The following RFX2 variants were observed in gnomAD, a reference collection of about 807,000 sequenced individuals.
RFX2 encodes the protein DNA-binding protein RFX2.
Under a neutral mutation model 87.8 loss-of-function variants are expected in RFX2, and 20 were observed. The observed-to-expected ratio is 0.23, with a 90% confidence interval of 0.16 to 0.33. The LOEUF (loss-of-function observed/expected upper bound fraction) is 0.33, where lower values mean the gene tolerates loss of function less well. RFX2 is among the 10% of genes least tolerant of loss of function. RFX2 has a pLI of 1.00. For synonymous variants in RFX2, 397 were observed against 431.3 expected (o/e 0.92, Z 0.98); for missense variants, 767 against 1,012.3 (o/e 0.76, Z 3.29).
Position 6,021,878 on chromosome 19 carries a change from G to T in RFX2, c.597+4285C>A, listed in dbSNP as rs1194069797. On this transcript the variant is annotated intron_variant, in intron 6 of 17. Transcript: ENST00000303657. The surrounding 1 kb of genome is among the most constrained non-coding windows in gnomAD (Gnocchi z 5.7). ...GAGAAGGGGCTGGAGGCTGGGTAGG[G>T]GTGGGTGCTGACGGCTGGCTAGGAG... 6.6e-6 allele frequency among the ~76,000 whole-genome samples: 1 copy of T among 152,206 alleles called. No homozygotes were observed. Among genetic ancestry groups the T allele is most frequent in the Non-Finnish European group, 1.5e-5 (1 of 68,022 alleles).
intron 1 of RFX2, among the ~76,000 whole-genome samples, chr19:6,066,575 G>T (rs781221743): frequency 1.3e-5 from 2 of 152,140 alleles, no homozygotes; most frequent in Non-Finnish European, 2.9e-5. Flanking sequence ...GGACATATTC[G>T]AATGGCCAGA....
chr19:6,039,985 C>G lies in RFX2; in HGVS notation c.517G>C (p.Ala173Pro). 6.4e-7 allele frequency: 1 copy of G among 1,574,030 alleles called. No homozygotes were observed. The highest frequency in any genetic ancestry group is 8.7e-7 in the Non-Finnish European group (1 of 1,155,770). ...CCCAAGAGCCTCCTACATACCGTGGCGGGCGATGAGCGGGAGGTGTGGGCC... is the reference window on the plus strand; with the variant it reads ...CCCAAGAGCCTCCTACATACCGTGGGGGGCGATGAGCGGGAGGTGTGGGCC... Reference protein sequence around the residue: ...SLAHTSRSSPATLEMAIENLQ... With the variant: ...SLAHTSRSSPPTLEMAIENLQ... Residue 173 changes from alanine to proline, a missense_variant, in exon 5 of 18, where the codon GCC becomes CCC. By Grantham distance (27) the Ala-to-Pro change is conservative. Transcript: ENST00000303657. The surrounding 1 kb of genome is among the most constrained non-coding windows in gnomAD (Gnocchi z 5.2).
chr19:6,041,416 A>G (rs140135383), intron 4 of RFX2, among the ~76,000 whole-genome samples: 1 of 152,332 alleles, frequency 6.6e-6, no homozygotes, highest in East Asian at 1.9e-4. Flanking sequence ...CGGGAGATGC[A>G]TACTTTCCTA....
At chr19:6,038,808 A>G (rs2087060599) in intron 5 of RFX2, among the ~76,000 whole-genome samples, 2 of 152,222 alleles carry the variant, frequency 1.3e-5, no homozygotes. Flanking sequence ...CAAAACCAAG[A>G]GCACCAGCAG....
At chr19:6,077,849 A>G (rs1198209939) in intron 1 of RFX2, among the ~76,000 whole-genome samples, 2 of 152,138 alleles carry the variant, frequency 1.3e-5, no homozygotes, top group Middle Eastern at 3.4e-3. Context: ...GCGTGGTGGC[A>G]CATGCCTGTA....
chr19:6,000,852 C>T (rs975789725), intron 15 of RFX2, among the ~76,000 whole-genome samples: 1 of 152,270 alleles, frequency 6.6e-6, no homozygotes, highest in Non-Finnish European at 1.5e-5. Flanking sequence ...CTCATCCATG[C>T]GCTGGGTCAC....
Position 6,023,812 on chromosome 19 carries a change from C to T in RFX2, c.597+2351G>A, listed in dbSNP as rs987814686. On this transcript the variant is annotated intron_variant, in intron 6 of 17. Transcript: ENST00000303657. This position sits in a 1 kb window ranked among gnomAD's most constrained non-coding sequence, Gnocchi z 4.9. ...TTTTTTTTTTTGAGATGGAGTCTCG[C>T]TCTGTCTCCCAGGCTGGAGTGCAGT... is the stretch of plus-strand genomic sequence containing the variant. Among the ~76,000 whole-genome samples the T allele has an allele frequency of 2.6e-5, 4 of 151,772 alleles. No homozygotes were observed. The highest frequency in any genetic ancestry group is 2.6e-4 in the Admixed American group (4 of 15,256).
chr19:6,100,802 CA>C (rs2088112225), intron 1 of RFX2, among the ~76,000 whole-genome samples: 1 of 147,440 alleles, frequency 6.8e-6, no homozygotes, highest in Admixed American at 6.7e-5. Context: ...CAGTGTGAAC[CA>C]AGGCTGGCAA....
chr19:5,995,711 G>C (rs2086397835), intron 16 of RFX2, 68 bp from the exon 17 acceptor site: 2 of 1,401,970 alleles, frequency 1.4e-6, no homozygotes, highest in Non-Finnish European at 2.0e-6. Context: ...GGGCTCGGGG[G>C]ATGCCGGCCC....
At chr19:6,060,121 A>G (rs1430827820) in intron 1 of RFX2, among the ~76,000 whole-genome samples, 1 of 152,088 alleles carries the variant, frequency 6.6e-6, no homozygotes, top group African/African-American at 2.4e-5. Context: ...CCTGGCTCTC[A>G]GCCATGCCCC....
At position 6,026,218 on chromosome 19, in the gene RFX2, T is replaced by C. The variant is rs914760686; in HGVS notation, c.542A>G (p.Asn181Ser). The stretch of plus-strand genomic sequence containing the variant: ...TGTGATTCCTTCGCTTTTTTGGAGG[T>C]TTTCAATCGCCATTTCAAGCTAAAG... ...SPATLEMAIE[N>S]LQKSEGITSH... The change falls in exon 6 of 18, where the codon AAC (asparagine) becomes AGC (serine). Residue 181 changes from asparagine to serine, a missense_variant. By Grantham distance (46) the Asn-to-Ser change is conservative. This residue lies in a region of RFX2 where 621 missense variants were observed against 873.0 expected (regional missense o/e 0.71). Transcript: ENST00000303657. This position sits in a 1 kb window ranked among gnomAD's most constrained non-coding sequence, Gnocchi z 4.5. 1.2e-6 allele frequency: 2 copies of C among 1,610,822 alleles called. No homozygotes were observed. The highest frequency in any genetic ancestry group is 2.7e-5 in the African/African-American group (2 of 73,904).
At chr19:5,996,587 C>T (rs570306564) in intron 16 of RFX2, among the ~76,000 whole-genome samples, 2 of 152,352 alleles carry the variant, frequency 1.3e-5, no homozygotes, top group East Asian at 1.9e-4. Flanking sequence ...ACGGGGTTTC[C>T]TTTTGGGGTG....
At position 6,023,795 on chromosome 19, in the gene RFX2, T is replaced by G. The variant is rs1184605751; in HGVS notation, c.597+2368A>C. Among the ~76,000 whole-genome samples, 1 of 152,088 alleles carries G rather than the reference T, an allele frequency of 6.6e-6. No homozygotes were observed. Among genetic ancestry groups the G allele is most frequent in the Non-Finnish European group, 1.5e-5 (1 of 68,008 alleles). ...CCATAGACATTTTTTCTTTTTTTTT[T>G]TTGAGATGGAGTCTCGCTCTGTCTC... On this transcript the variant is annotated intron_variant, in intron 6 of 17. Transcript: ENST00000303657. The surrounding 1 kb of genome is among the most constrained non-coding windows in gnomAD (Gnocchi z 4.9).
In RFX2 at chr19:6,042,081, C is replaced by G; in HGVS notation, c.223G>C (p.Val75Leu). ...QHVYPAQVQYVEGGDAVYTNG... is the reference protein window; with the variant it reads ...QHVYPAQVQYLEGGDAVYTNG... ...GTGTAGACGGCGTCTCCCCCTTCCA[C>G]GTACTGCACCTGGGCAGGATACACG... The change falls in exon 4 of 18, where the codon GTG becomes CTG. Residue 75 changes from valine (V) to leucine (L), a missense_variant. This residue lies in a region of RFX2 where 146 missense variants were observed against 139.2 expected (regional missense o/e 1.05). Transcript: ENST00000303657. The G allele has an allele frequency of 6.2e-7, 1 of 1,614,054 alleles. No homozygotes were observed. The highest frequency in any genetic ancestry group is 8.5e-7 in the Non-Finnish European group (1 of 1,180,008).
chr19:6,042,148 AC>A (rs1177988281), intron 3 of RFX2, 25 bp from the exon 4 acceptor site: 9 of 1,605,182 alleles, frequency 5.6e-6, no homozygotes, highest in Non-Finnish European at 7.7e-6. Context: ...ACGCTGCGTT[AC>A]CGCCAGTCAC....
intron 4 of RFX2, 60 bp downstream of exon 4, chr19:6,041,984 G>T: frequency 7.2e-7 from 1 of 1,391,762 alleles, no homozygotes; most frequent in Non-Finnish European, 1.0e-6. Context: ...GCCTCCCCAG[G>T]TGGCAAAGGC....
At chr19:6,033,817 G>A (rs1348219649) in intron 5 of RFX2, among the ~76,000 whole-genome samples, 1 of 151,940 alleles carries the variant, frequency 6.6e-6, no homozygotes, top group Non-Finnish European at 1.5e-5. Flanking sequence ...GCACCACAAA[G>A]GGAACTCTAT....
rs937727282 is a variant in RFX2 at position 5,999,460 on chromosome 19, C to T, written c.1860-2247G>A. On this transcript the variant is annotated intron_variant, in intron 15 of 17. Coordinates refer to ENST00000303657, the MANE Select transcript of RFX2 (RefSeq NM_000635.4). This position sits in a 1 kb window ranked among gnomAD's most constrained non-coding sequence, Gnocchi z 4.1. ...TCCCTCTGTCCATGGAGACTGGCAT[C>T]GGCATCCCTACGCTGTCTCTTCCCT... Among the ~76,000 whole-genome samples the T allele has an allele frequency of 5.3e-5, 8 of 152,024 alleles. No individual in the cohort carries two copies. The highest frequency in any genetic ancestry group is 1.2e-4 in the African/African-American group (5 of 41,370).
At position 5,995,482 on chromosome 19, in the gene RFX2, A is replaced by G. The variant is rs139699534; in HGVS notation, c.2056+119T>C. The G allele has an allele frequency of 4.6e-5, 46 of 1,005,598 alleles. No homozygotes were observed. In the African/African-American group the frequency reaches 5.9e-4, roughly 13 times the overall value. The allele number at this position is 1,005,598 out of a possible 1,614,324, so 62.3% of individuals were successfully genotyped here. A position where few individuals can be genotyped will look rare whatever the true frequency, so the allele number is the denominator to read the frequency against. ...CCGGATGACAGATCCCAGGGCCCTC[A>G]CCCCCCAAGGGGCTGCCCGCATTTC... On this transcript the variant is annotated intron_variant, in intron 17 of 17. Transcript: ENST00000303657.
Sources: gnomAD v4.1 joint callset for allele counts (sites outside exome capture counted in the v4.1 genomes callset) on GRCh38, gnomAD v4.1.1 for gene constraint, gnomAD v4.1.1 regional missense constraint, Gnocchi (gnomAD v3.1) non-coding constraint, MANE v1.5 for transcripts, NCBI Gene and HGNC (gene_info 2026-07-23, HGNC 2026-07-21) for gene names.